Variants in METTL22 observed in about 807,000 individuals in gnomAD.
The protein encoded by METTL22 is methyltransferase 22, Kin17 lysine.
Under a neutral mutation model 48.4 loss-of-function variants are expected in METTL22, and 51 were observed. That is an observed-to-expected ratio of 1.05 (90% CI 0.84 to 1.33). The LOEUF (loss-of-function observed/expected upper bound fraction) is 1.33. Ranked by LOEUF, METTL22 falls within the 40% of genes most tolerant of loss-of-function variation. The pLI, the probability that METTL22 is intolerant of heterozygous loss-of-function variation, is 0.00. For missense variants in METTL22, 678 were observed against 526.9 expected, an observed-to-expected ratio of 1.29 and a Z score of -2.81; for synonymous variants, 255 against 214.1, an observed-to-expected ratio of 1.19 and a Z score of -1.67.
At chr16:8,656,833 C>T in the METTL22 span, among the ~76,000 whole-genome samples, 3 of 152,250 alleles carry the variant, frequency 2.0e-5, no homozygotes, top group African/African-American at 7.2e-5. Context: ...GAGCTAAAGG[C>T]CAGCATCTGG....
intron 3 of METTL22, chr16:8,631,104 T>C (rs2056245039): frequency 1.3e-5 from 2 of 152,044 alleles, no homozygotes; most frequent in African/African-American, 4.8e-5. Context: ...TGGCGCAGAG[T>C]TGATGGTAAG....
At chr16:8,631,625 G>A (rs2215926) in intron 3 of METTL22, 150,473 of 152,386 alleles carry the variant, frequency 0.99, 74,326 homozygotes, top group Middle Eastern at 1. Flanking sequence ...AGGGAGACTG[G>A]CTGACGAACA....
intron 5 of METTL22, 121 bp from the exon 6 acceptor site, chr16:8,638,959 AAGACACATAGG>A: frequency 1.2e-6 from 1 of 836,416 alleles, no homozygotes; most frequent in South Asian, 1.5e-5. Flanking sequence ...TTTTGGCAGT[AAGACACATAGG>A]AGAAACGTTT....
At chr16:8,661,523 G>A in the METTL22 span, among the ~76,000 whole-genome samples, 1 of 140,552 alleles carries the variant, frequency 7.1e-6, no homozygotes, top group Non-Finnish European at 1.5e-5. Flanking sequence ...GCGGGCGCCT[G>A]TAGTCCCAGC....
chr16:8,658,892 C>T, the METTL22 span, among the ~76,000 whole-genome samples: 383 of 152,250 alleles, frequency 2.5e-3, 3 homozygotes, highest in African/African-American at 8.9e-3. Context: ...ATATTGAATC[C>T]TCCCCACTCC....
In METTL22 at chr16:8,625,622, C is replaced by T. The variant is rs1465853060; in HGVS notation, c.-44C>T. 1 of 1,611,058 alleles carries T rather than the reference C, an allele frequency of 6.2e-7. No individual in the cohort carries two copies. Among genetic ancestry groups the T allele is most frequent in the East Asian group, 2.2e-5 (1 of 44,852 alleles). ...CTGCCATGCTGAGGACCCATTCTCA[C>T]CTCTGAGGGACTCCTGTCCTAGGAC... is the stretch of plus-strand genomic sequence containing the variant. On this transcript the variant is annotated 5_prime_UTR_variant, in exon 2 of 11. Transcript: ENST00000381920.
chr16:8,660,302 A>T, the METTL22 span, among the ~76,000 whole-genome samples: 1 of 151,776 alleles, frequency 6.6e-6, no homozygotes, highest in Non-Finnish European at 1.5e-5. Context: ...TCAGCCTCCC[A>T]AGCTGGAACT....
At chr16:8,667,149 G>C in the METTL22 span, 1 of 152,042 alleles carries the variant, frequency 6.6e-6, no homozygotes, top group Non-Finnish European at 1.5e-5. Context: ...ATGAGGACGA[G>C]AGGGAGAAAG....
At chr16:8,637,502 A>C (rs968406177) in intron 5 of METTL22, among the ~76,000 whole-genome samples, 1 of 152,270 alleles carries the variant, frequency 6.6e-6, no homozygotes, top group African/African-American at 2.4e-5. Context: ...CAGATGCATC[A>C]GTGCCTGGCT....
the METTL22 span, among the ~76,000 whole-genome samples, chr16:8,665,790 A>AC: frequency 6.6e-6 from 1 of 152,136 alleles, no homozygotes; most frequent in Non-Finnish European, 1.5e-5. Context: ...AGGCGGAGAC[A>AC]CCCCTGGAAT....
downstream of METTL22, among the ~76,000 whole-genome samples, chr16:8,651,247 C>T (rs555445107): frequency 1.4e-3 from 216 of 151,478 alleles, 2 homozygotes; most frequent in Non-Finnish European, 4.9e-4. Context: ...ATTAGCCAGG[C>T]GTGGTGGCGG....
chr16:8,641,723 C>T (rs2056624474), intron 7 of METTL22: 2 of 395,446 alleles, frequency 5.1e-6, no homozygotes, highest in South Asian at 2.2e-5. Flanking sequence ...CTTTGCGCAC[C>T]GTAGGCCCTT....
chr16:8,665,259 C>T, the METTL22 span, among the ~76,000 whole-genome samples: 2 of 152,140 alleles, frequency 1.3e-5, no homozygotes, highest in African/African-American at 2.4e-5. Flanking sequence ...TGAGCCAAGA[C>T]CGCACTGCAG....
chr16:8,641,735 G>A (rs1328212265), intron 7 of METTL22: 13 of 394,448 alleles, frequency 3.3e-5, no homozygotes, highest in South Asian at 2.0e-4. Flanking sequence ...TAGGCCCTTC[G>A]GCCCTCCCAA....
In METTL22 at chr16:8,628,949, A is replaced by AGGATGG. The variant is rs1257446967; in HGVS notation, c.358_363dup (p.Gly120_Asp121dup). The AGGATGG allele has an allele frequency of 1.2e-6, 2 of 1,614,006 alleles. No homozygotes were observed. Among genetic ancestry groups the AGGATGG allele is most frequent in the Non-Finnish European group, 1.7e-6 (2 of 1,180,040 alleles). On this transcript the variant is annotated inframe_insertion, in exon 3 of 11. Coordinates refer to ENST00000381920, the MANE Select transcript of METTL22 (RefSeq NM_024109.4). ...GAAGTGGCTGAAGCTCAGCTGGATG[A>AGGATGG]GGATGGGGATTTGGACGTGGTGAGA...
chr16:8,633,669 C>T (rs1236319857), intron 3 of METTL22, among the ~76,000 whole-genome samples: 1 of 152,242 alleles, frequency 6.6e-6, no homozygotes, highest in East Asian at 1.9e-4. Context: ...GCCACTCACC[C>T]TCTCTGTGAC....
the METTL22 span, among the ~76,000 whole-genome samples, chr16:8,662,514 G>C: frequency 2.1e-5 from 3 of 144,634 alleles, 1 homozygote; most frequent in Non-Finnish European, 1.5e-5. Flanking sequence ...CCATGTGGGA[G>C]CGTTTCTTGG....
At position 8,648,662 on chromosome 16, in the gene METTL22, C is replaced by A. The variant is rs1202339939; in HGVS notation, c.*2519C>A. On this transcript the variant is annotated 3_prime_UTR_variant, in exon 11 of 11. Transcript: ENST00000381920. ...AAAAAGCCAGGCGTAGTGGCTAACG[C>A]CTGTAGTCCCAACTACTCAGAAGGC... is the stretch of plus-strand genomic sequence containing the variant. 1 of 153,260 alleles carries A rather than the reference C, an allele frequency of 6.5e-6. No homozygotes were observed. The highest frequency in any genetic ancestry group is 2.4e-5 in the African/African-American group (1 of 41,322). The allele number at this position is 153,260 out of a possible 1,614,324, so 9.5% of individuals were successfully genotyped here. A position where few individuals can be genotyped will look rare whatever the true frequency, so the allele number is the denominator to read the frequency against.
rs1400734773 is a variant in METTL22 at position 8,642,145 on chromosome 16, G to A, written c.845G>A (p.Ser282Asn). The change falls in exon 8 of 11, where the codon AGT becomes AAT. Residue 282 changes from serine (S) to asparagine (N), a missense_variant. By Grantham distance (46) the Ser-to-Asn change is conservative. Transcript: ENST00000381920. ...DLCTDPKVPF[S>N]WSQEEISDLY... is the part of the protein sequence containing the mutation. The stretch of plus-strand genomic sequence containing the variant: ...TTCTTAGATCCCAAGGTCCCCTTCA[G>A]TTGGTCACAAGAGGAAATTTCTGAC... The A allele has an allele frequency of 3.1e-6, 5 of 1,613,652 alleles. No homozygotes were observed. The highest frequency in any genetic ancestry group is 4.2e-6 in the Non-Finnish European group (5 of 1,179,564).
Sources: gnomAD v4.1 joint callset for allele counts (sites outside exome capture counted in the v4.1 genomes callset) on GRCh38, gnomAD v4.1.1 for gene constraint, MANE v1.5 for transcripts, NCBI Gene and HGNC (gene_info 2026-07-23, HGNC 2026-07-21) for gene names.